CAMK1D: variants seen among roughly 807,000 people sequenced by gnomAD.
The protein encoded by CAMK1D is calcium/calmodulin-dependent protein kinase type 1D.
Under a neutral mutation model 47.7 loss-of-function variants are expected in CAMK1D, and 9 were observed. The ratio of observed to expected loss-of-function variants is 0.19; its 90% CI spans 0.11 to 0.33. The LOEUF (loss-of-function observed/expected upper bound fraction) is 0.33. Ranked by LOEUF, CAMK1D falls within the 10% of genes least tolerant of loss-of-function variation. The pLI is 1.00. For synonymous variants in CAMK1D, 184 were observed against 184.9 expected (o/e 0.99, Z 0.04); for missense variants, 291 against 488.7 (o/e 0.60, Z 3.81).
chr10:12,483,792 T>G (rs1425032770), intron 1 of CAMK1D, among the ~76,000 whole-genome samples: 1 of 152,096 alleles, frequency 6.6e-6, no homozygotes, highest in Non-Finnish European at 1.5e-5. Context: ...GTTCAAGTGA[T>G]TCTCCTGCCT....
intron 7 of CAMK1D, among the ~76,000 whole-genome samples, chr10:12,814,993 T>C (rs1469748297): frequency 6.6e-6 from 1 of 152,232 alleles, no homozygotes; most frequent in African/African-American, 2.4e-5. Context: ...GACTGTATGC[T>C]GAGCACAAGA....
chr10:12,600,992 C>T lies in CAMK1D; in HGVS notation c.224+47636C>T, dbSNP rs569664021. On this transcript the variant is annotated intron_variant, in intron 2 of 10. Transcript: ENST00000619168. ...TTTTTTATGGCTGAATAGTGTTCCT[C>T]GGTATGCATGTACCACATTATCTTT... Among the ~76,000 whole-genome samples the T allele has an allele frequency of 1.6e-4, 24 of 152,244 alleles. No homozygotes were observed. In the South Asian group the frequency reaches 3.3e-3, roughly 21 times the overall value.
chr10:12,581,945 G>C (rs1837676334), intron 2 of CAMK1D, among the ~76,000 whole-genome samples: 1 of 152,078 alleles, frequency 6.6e-6, no homozygotes, highest in Admixed American at 6.5e-5. Flanking sequence ...TTGGGTTCTT[G>C]CTCATGAAGT....
intron 2 of CAMK1D, among the ~76,000 whole-genome samples, chr10:12,570,498 G>A (rs968683285): frequency 6.6e-6 from 1 of 151,854 alleles, no homozygotes; most frequent in Non-Finnish European, 1.5e-5. Context: ...GGCCAACATG[G>A]TGAAACCCCA....
At chr10:12,528,630 C>A (rs910668668) in intron 1 of CAMK1D, among the ~76,000 whole-genome samples, 1 of 152,114 alleles carries the variant, frequency 6.6e-6, no homozygotes, top group African/African-American at 2.4e-5. Context: ...AAAAATCACA[C>A]CCTCATGGGT....
chr10:12,481,704 T>TTCACCATGTTGGTC (rs1834070926), intron 1 of CAMK1D, among the ~76,000 whole-genome samples: 1 of 152,132 alleles, frequency 6.6e-6, no homozygotes, highest in African/African-American at 2.4e-5. Flanking sequence ...GAGACGGGGT[T>TTCACCATGTTGGTC]TCACCATGTT....
chr10:12,494,167 TC>T (rs1327945267), intron 1 of CAMK1D, among the ~76,000 whole-genome samples: 2 of 152,146 alleles, frequency 1.3e-5, no homozygotes, highest in African/African-American at 4.8e-5. Context: ...GGGTGTTGTG[TC>T]ATTATTGACA....
intron 1 of CAMK1D, among the ~76,000 whole-genome samples, chr10:12,387,444 TTTATATA>T (rs1838558208): frequency 2.1e-5 from 1 of 48,662 alleles, no homozygotes; most frequent in Non-Finnish European, 4.0e-5. Context: ...TTATATATAT[TTTATATA>T]TATATATATA....
intron 4 of CAMK1D, among the ~76,000 whole-genome samples, chr10:12,766,423 C>T (rs575139252): frequency 5.2e-5 from 7 of 133,366 alleles, no homozygotes; most frequent in East Asian, 2.2e-4. Flanking sequence ...AGTGCAGTGG[C>T]GTACACGTGG....
chr10:12,404,870 G>A (rs1423407760), intron 1 of CAMK1D, among the ~76,000 whole-genome samples: 1 of 151,916 alleles, frequency 6.6e-6, no homozygotes, highest in Non-Finnish European at 1.5e-5. Flanking sequence ...TGTATTTTTA[G>A]TAGAAATGGG....
chr10:12,464,679 G>C (rs1320410036), intron 1 of CAMK1D, among the ~76,000 whole-genome samples: 3 of 152,112 alleles, frequency 2.0e-5, no homozygotes, highest in Non-Finnish European at 4.4e-5. Flanking sequence ...GCCGGGTGTG[G>C]TGGCGGGTAC....
chr10:12,628,881 C>T (rs1231979706), intron 2 of CAMK1D, among the ~76,000 whole-genome samples: 1 of 152,164 alleles, frequency 6.6e-6, no homozygotes. Context: ...GGGAATCATA[C>T]AATATGTAGT....
chr10:12,467,193 C>T lies in CAMK1D; in HGVS notation c.93-86032C>T, dbSNP rs147466434. ...ATTGACATGGAGTCTCACTCTGTCA[C>T]GCTGGCTGGAGTGCAGTGGCGCGAT... On this transcript the variant is annotated intron_variant, in intron 1 of 10. Transcript: ENST00000619168. Among the ~76,000 whole-genome samples the T allele has an allele frequency of 1.3e-3, 203 of 152,228 alleles. 2 individuals carry two copies. The South Asian group carries it at 0.024, about 18-fold the overall frequency.
intron 1 of CAMK1D, among the ~76,000 whole-genome samples, chr10:12,362,207 C>T (rs1368239606): frequency 6.6e-6 from 1 of 152,130 alleles, no homozygotes; most frequent in Non-Finnish European, 1.5e-5. Flanking sequence ...TTTCATCTTC[C>T]CACATTGAAC....
chr10:12,772,625 CTG>C (rs1837092053), intron 5 of CAMK1D, among the ~76,000 whole-genome samples: 1 of 152,180 alleles, frequency 6.6e-6, no homozygotes, highest in Non-Finnish European at 1.5e-5. Context: ...CTGTTGATTG[CTG>C]TGTCTGGCAC....
chr10:12,668,945 T>C (rs1478208835), intron 3 of CAMK1D, among the ~76,000 whole-genome samples: 5 of 151,924 alleles, frequency 3.3e-5, no homozygotes, highest in Admixed American at 2.0e-4. Flanking sequence ...AAACAAAACC[T>C]CATTGGCCCG....
intron 3 of CAMK1D, among the ~76,000 whole-genome samples, chr10:12,667,318 A>G (rs1347939022): frequency 6.6e-6 from 1 of 152,238 alleles, no homozygotes; most frequent in Non-Finnish European, 1.5e-5. Context: ...TGCCAGACAT[A>G]AGAGAAGTAT....
intron 1 of CAMK1D, among the ~76,000 whole-genome samples, chr10:12,479,056 T>A (rs575120903): frequency 6.6e-6 from 1 of 152,290 alleles, no homozygotes; most frequent in Admixed American, 6.5e-5. Context: ...TTTTAGTAAC[T>A]TTTTTGGGAG....
intron 2 of CAMK1D, among the ~76,000 whole-genome samples, chr10:12,639,073 T>TC (rs1465724570): frequency 6.6e-6 from 1 of 152,244 alleles, no homozygotes; most frequent in Non-Finnish European, 1.5e-5. Context: ...GTGATCAGTA[T>TC]CCATTTGAAT....
Sources: gnomAD v4.1 joint callset for allele counts (sites outside exome capture counted in the v4.1 genomes callset) on GRCh38, gnomAD v4.1.1 for gene constraint, MANE v1.5 for transcripts, NCBI Gene and HGNC (gene_info 2026-07-23, HGNC 2026-07-21) for gene names.